Variants in SP100 observed in about 807,000 individuals in gnomAD.
SP100 encodes SP100 nuclear body protein.
Under a neutral mutation model 130.0 loss-of-function variants are expected in SP100, and 84 were observed. That is an observed-to-expected ratio of 0.65 (90% CI 0.54 to 0.77). The LOEUF is 0.77. Among genes scored for constraint, SP100 ranks in the 30% least tolerant of loss-of-function variants. SP100 has a pLI of 0.00. For synonymous variants in SP100, 331 were observed against 351.7 expected (o/e 0.94, Z 0.66); for missense variants, 978 against 1,052.2 (o/e 0.93, Z 0.97).
intron 23 of SP100, chr2:230,508,242 T>A: frequency 3.4e-6 from 2 of 582,368 alleles, no homozygotes; most frequent in Admixed American, 7.6e-5. Context: ...GTGGGAACAA[T>A]CCTCAGAAAT....
rs780237616 is a variant in SP100 at position 230,462,478 on chromosome 2, G to A, written c.1017G>A (p.Glu339=). 6.8e-6 allele frequency: 11 copies of A among 1,613,746 alleles called. No homozygotes were observed. In the Admixed American group the frequency reaches 8.3e-5, roughly 12 times the overall value. ...CTGAAGGATCCACTGACGTTGATGA[G>A]CCCTTAGAAGTCTTCATCTCAGCAC... ...EDSEGSTDVD[E]PLEVFISAPR... The change falls in exon 10 of 29, where the codon GAG becomes GAA. Residue 339 remains glutamate, a synonymous_variant. Transcript: ENST00000340126.
intron 11 of SP100, 117 bp from the exon 12 acceptor site, chr2:230,466,184 C>CAAAA (rs57983447): frequency 0.17 from 42,132 of 254,040 alleles, 3,698 homozygotes; most frequent in Non-Finnish European, 0.2. Flanking sequence ...GACTCCATCT[C>CAAAA]AAAAAAAAAA....
intron 27 of SP100, 95 bp from the exon 28 acceptor site, chr2:230,541,797 C>A: frequency 7.4e-7 from 1 of 1,360,532 alleles, no homozygotes. Context: ...GGATTTTGAC[C>A]TATGGATTGG....
intron 24 of SP100, among the ~76,000 whole-genome samples, chr2:230,526,938 C>T (rs946452728): frequency 3.3e-5 from 5 of 152,084 alleles, no homozygotes; most frequent in African/African-American, 7.2e-5. Flanking sequence ...AAAGACCAAA[C>T]CTACGTTTGA....
chr2:230,429,177 G>C (rs532348489), intron 2 of SP100, among the ~76,000 whole-genome samples: 5 of 152,082 alleles, frequency 3.3e-5, no homozygotes, highest in Non-Finnish European at 7.4e-5. Context: ...GTTTGGAAAG[G>C]TTTTTATCTC....
At chr2:230,456,066 T>C (rs560202003) in intron 8 of SP100, among the ~76,000 whole-genome samples, 1 of 152,350 alleles carries the variant, frequency 6.6e-6, no homozygotes, top group East Asian at 1.9e-4. Context: ...TTCTTTCAGC[T>C]TGAGCATTTC....
chr2:230,503,684 G>A (rs552404617), intron 20 of SP100, among the ~76,000 whole-genome samples: 56 of 152,162 alleles, frequency 3.7e-4, no homozygotes, highest in African/African-American at 1.3e-3. Context: ...CCCTTTTAGC[G>A]TCGGAGAAAG....
chr2:230,451,388 T>G (rs1198548013), intron 8 of SP100, among the ~76,000 whole-genome samples: 5 of 152,200 alleles, frequency 3.3e-5, no homozygotes, highest in Non-Finnish European at 7.4e-5. Flanking sequence ...CTTGATGATA[T>G]CCGAGGCAGG....
chr2:230,508,078 T>C (rs1307762261), intron 23 of SP100, 47 bp downstream of exon 23: 1 of 1,608,318 alleles, frequency 6.2e-7, no homozygotes, highest in South Asian at 1.1e-5. Flanking sequence ...ATTATGTTGT[T>C]GATTTTCTAT....
chr2:230,467,730 T>A (rs940329276), intron 13 of SP100, among the ~76,000 whole-genome samples: 1 of 152,314 alleles, frequency 6.6e-6, no homozygotes, highest in East Asian at 1.9e-4. Flanking sequence ...CCACAACACA[T>A]GGGAATTCAA....
chr2:230,543,952 A>C lies in SP100; in HGVS notation c.*1006A>C, dbSNP rs920426598. On this transcript the variant is annotated 3_prime_UTR_variant, in exon 29 of 29. Coordinates refer to ENST00000340126, the MANE Select transcript of SP100 (RefSeq NM_001080391.2). ...ACCAAAACAGCATGGTACTGGTACC[A>C]AAAAAAAAGCCACATAGACCAATGG... The C allele has an allele frequency of 6.6e-6, 1 of 150,974 alleles. No individual in the cohort carries two copies. The highest frequency in any genetic ancestry group is 1.5e-5 in the Non-Finnish European group (1 of 67,730). The allele number at this position is 150,974 out of a possible 1,614,324, so 9.4% of individuals were successfully genotyped here.
chr2:230,438,170 G>GATATCATC (rs1559487430), intron 2 of SP100, among the ~76,000 whole-genome samples: 1 of 151,754 alleles, frequency 6.6e-6, no homozygotes, highest in Admixed American at 6.6e-5. Context: ...AGTCAATATC[G>GATATCATC]ATATCATCAA....
In SP100 at chr2:230,521,312, G is replaced by A. The variant is rs556464783; in HGVS notation, c.2094+10146G>A. On this transcript the variant is annotated intron_variant, in intron 24 of 28. Coordinates refer to ENST00000340126, the MANE Select transcript of SP100 (RefSeq NM_001080391.2). ...AGCTCCATTTGTCTTATCAGAGGCC[G>A]TTTCTCAGGAAACCAACCATCAGGC... Among the ~76,000 whole-genome samples the A allele has an allele frequency of 2.2e-3, 330 of 152,220 alleles. 1 individual carries two copies. Among genetic ancestry groups the A allele is most frequent in the Middle Eastern group, 0.01 (3 of 294 alleles).
chr2:230,524,196 A>AAAAAAAAAG (rs1559534607), intron 24 of SP100, among the ~76,000 whole-genome samples: 5 of 110,216 alleles, frequency 4.5e-5, no homozygotes, highest in Non-Finnish European at 6.7e-5. Flanking sequence ...AAAAAAAAAA[A>AAAAAAAAAG]AAAAAGAAAA....
intron 12 of SP100, 32 bp from the exon 13 acceptor site, chr2:230,467,088 G>T: frequency 7.0e-7 from 1 of 1,437,838 alleles, no homozygotes; most frequent in South Asian, 1.1e-5. Context: ...CATACATTGA[G>T]AGCTCCAAAG....
chr2:230,496,641 T>A (rs2150050195), intron 18 of SP100, among the ~76,000 whole-genome samples: 1 of 152,312 alleles, frequency 6.6e-6, no homozygotes, highest in Admixed American at 6.5e-5. Context: ...GGTGGATGCA[T>A]GAGCCATATT....
chr2:230,541,911 G>GC lies in SP100; in HGVS notation c.2426dup (p.Gln810ThrfsTer15). On this transcript the variant is annotated frameshift_variant, in exon 28 of 29. Coordinates refer to ENST00000340126, the MANE Select transcript of SP100 (RefSeq NM_001080391.2). LOFTEE classifies it high-confidence loss of function. ...CAACAGAACAGAGAGGGGTCTCAGG[G>GC]CCCACAGAAGCCCATGTGGTTAAAC... 1.2e-6 allele frequency: 2 copies of GC among 1,614,040 alleles called. No individual in the cohort carries two copies. Among genetic ancestry groups the GC allele is most frequent in the Non-Finnish European group, 1.7e-6 (2 of 1,179,952 alleles).
At chr2:230,468,841 A>T in intron 13 of SP100, 4 of 316,006 alleles carry the variant, frequency 1.3e-5, no homozygotes, top group East Asian at 5.5e-5. Context: ...AAAAAAAAAA[A>T]GTCATTGATT....
chr2:230,448,153 T>C (rs1440345492), intron 5 of SP100, among the ~76,000 whole-genome samples: 3 of 152,042 alleles, frequency 2.0e-5, no homozygotes, highest in Non-Finnish European at 4.4e-5. Context: ...AATTTAAATG[T>C]GAGGATGTTG....
Sources: allele counts gnomAD v4.1 joint callset (sites outside exome capture counted in the v4.1 genomes callset), GRCh38; gene constraint gnomAD v4.1.1; transcripts MANE v1.5; gene names NCBI Gene and HGNC (gene_info 2026-07-23, HGNC 2026-07-21).